ASAP1: variants seen among roughly 807,000 people sequenced by gnomAD.
ASAP1 encodes ArfGAP with SH3 domain, ankyrin repeat and PH domain 1.
ASAP1 carries 43 observed loss-of-function variants against 145.2 expected under a neutral mutation model. That is an observed-to-expected ratio of 0.30 (90% CI 0.23 to 0.38). The LOEUF (loss-of-function observed/expected upper bound fraction) is 0.38, where lower values mean the gene tolerates loss of function less well. Ranked by LOEUF, ASAP1 falls within the 10% of genes least tolerant of loss-of-function variation. ASAP1 has a pLI of 1.00. For missense variants in ASAP1, 1,018 were observed against 1,355.3 expected, an observed-to-expected ratio of 0.75 and a Z score of 3.91; for synonymous variants, 546 against 515.5, an observed-to-expected ratio of 1.06 and a Z score of -0.80.
chr8:130,080,225 A>G (rs2097476016), intron 25 of ASAP1, among the ~76,000 whole-genome samples: 1 of 152,194 alleles, frequency 6.6e-6, no homozygotes, highest in African/African-American at 2.4e-5. Flanking sequence ...GGCCTCAAAG[A>G]GCATAGAAAC....
intron 3 of ASAP1, among the ~76,000 whole-genome samples, chr8:130,294,993 G>A (rs1822176261): frequency 6.6e-6 from 1 of 152,220 alleles, no homozygotes; most frequent in African/African-American, 2.4e-5. Flanking sequence ...GCTGGGAGCA[G>A]TGGTTCACAT....
intron 25 of ASAP1, among the ~76,000 whole-genome samples, chr8:130,090,333 G>A (rs1462253647): frequency 6.6e-6 from 1 of 152,230 alleles, no homozygotes; most frequent in Non-Finnish European, 1.5e-5. Flanking sequence ...TTTGTGATAT[G>A]AAACGCTGAT....
intron 12 of ASAP1, among the ~76,000 whole-genome samples, chr8:130,154,424 C>T (rs2097653801): frequency 6.6e-6 from 1 of 151,930 alleles, no homozygotes; most frequent in Non-Finnish European, 1.5e-5. Context: ...GGTAGATCTG[C>T]GTGTGTGCAG....
chr8:130,059,163 T>C (rs1409441780), intron 28 of ASAP1, among the ~76,000 whole-genome samples: 2 of 151,482 alleles, frequency 1.3e-5, no homozygotes, highest in Non-Finnish European at 1.5e-5. Context: ...TACTGCAACA[T>C]TTAAATTTTT....
At chr8:130,125,273 GGGGATGCCAAGTA>G (rs2097573230) in intron 17 of ASAP1, among the ~76,000 whole-genome samples, 1 of 151,990 alleles carries the variant, frequency 6.6e-6, no homozygotes, top group Non-Finnish European at 1.5e-5. Context: ...ATCCTACTTG[GGGGATGCCAAGTA>G]GGCTCCCCTT....
intron 3 of ASAP1, among the ~76,000 whole-genome samples, chr8:130,329,013 A>G (rs1017949537): frequency 3.3e-5 from 5 of 152,164 alleles, no homozygotes; most frequent in Non-Finnish European, 7.4e-5. Context: ...TGGTCAGAAT[A>G]TGATATCTGC....
At chr8:130,311,211 A>C (rs1823321101) in intron 3 of ASAP1, among the ~76,000 whole-genome samples, 1 of 152,218 alleles carries the variant, frequency 6.6e-6, no homozygotes, top group Non-Finnish European at 1.5e-5. Flanking sequence ...TGAGTGGTGG[A>C]ATCATGGGTC....
chr8:130,107,439 C>A (rs1436188312), intron 24 of ASAP1, among the ~76,000 whole-genome samples: 29 of 151,656 alleles, frequency 1.9e-4, no homozygotes, highest in Admixed American at 3.3e-4. Context: ...CCCGCCTCAG[C>A]CTCCCAAAGT....
intron 7 of ASAP1, among the ~76,000 whole-genome samples, chr8:130,185,877 T>C (rs950521819): frequency 6.6e-6 from 1 of 151,998 alleles, no homozygotes; most frequent in African/African-American, 2.4e-5. Context: ...AAGCACCAGA[T>C]ACTTCTAGGT....
At chr8:130,394,965 C>T (rs1469497076) in intron 2 of ASAP1, among the ~76,000 whole-genome samples, 1 of 152,194 alleles carries the variant, frequency 6.6e-6, no homozygotes, top group Non-Finnish European at 1.5e-5. Context: ...ACCCACCAGG[C>T]CCAGCTTTCC....
chr8:130,116,120 G>A (rs928015562), intron 22 of ASAP1, among the ~76,000 whole-genome samples: 2 of 152,178 alleles, frequency 1.3e-5, no homozygotes, highest in African/African-American at 4.8e-5. Context: ...AGGGATAATT[G>A]TCTCAAAGGA....
At chr8:130,239,905 T>C (rs1405636810) in intron 3 of ASAP1, among the ~76,000 whole-genome samples, 2 of 152,128 alleles carry the variant, frequency 1.3e-5, no homozygotes, top group Middle Eastern at 6.3e-3. Flanking sequence ...TCTAATCTGT[T>C]GTGGAAGGCA....
chr8:130,087,075 G>T (rs1324572416), intron 25 of ASAP1, among the ~76,000 whole-genome samples: 1 of 152,134 alleles, frequency 6.6e-6, no homozygotes, highest in Non-Finnish European at 1.5e-5. Flanking sequence ...TGGGGGACTG[G>T]GCGGGGCTAA....
chr8:130,362,069 G>A (rs1383359628), intron 2 of ASAP1, among the ~76,000 whole-genome samples: 1 of 152,144 alleles, frequency 6.6e-6, no homozygotes, highest in African/African-American at 2.4e-5. Flanking sequence ...AAAGGCAGCA[G>A]GAACAGTGGT....
rs149757877 is a variant in ASAP1 at position 130,167,182 on chromosome 8, T to A, written c.909+354A>T. Among the ~76,000 whole-genome samples, 84 of 152,158 alleles carry A rather than the reference T, an allele frequency of 5.5e-4. 1 individual carries two copies. In the East Asian group the frequency reaches 0.016, roughly 29 times the overall value. On this transcript the variant is annotated intron_variant, in intron 11 of 29. Transcript: ENST00000518721. ...ATCCAGGCATGGTGGCATGTGCCTG[T>A]AGTCCCAGCTACCTGGGAGGCTGAG...
rs374996775 is a variant in ASAP1, at chr8:130,328,845, G to A, written c.186+29172C>T. 7.8e-4 allele frequency among the ~76,000 whole-genome samples: 119 copies of A among 152,034 alleles called. 1 individual carries two copies. The South Asian group carries it at 0.025, about 32-fold the overall frequency. On this transcript the variant is annotated intron_variant, in intron 3 of 29. Transcript: ENST00000518721. ...TGGTCTCCCTATGTCGCTCAGGTTG[G>A]TCTCAAACTTCTGGCCTCAAGCAAG... is the stretch of plus-strand genomic sequence containing the variant.
intron 28 of ASAP1, among the ~76,000 whole-genome samples, chr8:130,058,884 G>A (rs560053564): frequency 6.6e-6 from 1 of 152,194 alleles, no homozygotes; most frequent in Non-Finnish European, 1.5e-5. Flanking sequence ...GTGCGGGTGG[G>A]TTGGAGAAGC....
At chr8:130,105,226 CAACA>C (rs2097534994) in intron 24 of ASAP1, among the ~76,000 whole-genome samples, 3 of 152,078 alleles carry the variant, frequency 2.0e-5, no homozygotes, top group Admixed American at 6.6e-5. Context: ...ACAACAATAA[CAACA>C]AACAAACAAT....
chr8:130,376,997 C>T (rs1257933869), intron 2 of ASAP1, among the ~76,000 whole-genome samples: 1 of 150,420 alleles, frequency 6.6e-6, no homozygotes, highest in African/African-American at 2.5e-5. Flanking sequence ...TTGCGAGAAC[C>T]ACAGAAAAGA....
Sources: gnomAD v4.1 joint callset for allele counts (sites outside exome capture counted in the v4.1 genomes callset) on GRCh38, gnomAD v4.1.1 for gene constraint, MANE v1.5 for transcripts, NCBI Gene and HGNC (gene_info 2026-07-23, HGNC 2026-07-21) for gene names.